FGGY: variants seen among roughly 807,000 people sequenced by gnomAD.
FGGY encodes the protein FGGY carbohydrate kinase domain-containing protein.
Under a neutral mutation model 71.3 loss-of-function variants are expected in FGGY, and 72 were observed. That is an observed-to-expected ratio of 1.01 (90% CI 0.84 to 1.23). The LOEUF is 1.23. Ranked by LOEUF, FGGY falls within the 50% of genes most tolerant of loss-of-function variation. FGGY has a pLI of 0.00. For synonymous variants in FGGY, 251 were observed against 250.3 expected (o/e 1.00, Z -0.02); for missense variants, 668 against 682.3 (o/e 0.98, Z 0.23).
intron 14 of FGGY, among the ~76,000 whole-genome samples, chr1:59,722,584 TACTC>T (rs2097906424): frequency 1.3e-5 from 2 of 152,254 alleles, no homozygotes; most frequent in African/African-American, 2.4e-5. Context: ...TTTGTTTTGT[TACTC>T]AGTTGTTCCA....
chr1:59,653,139 A>G (rs2097181941), intron 11 of FGGY, among the ~76,000 whole-genome samples: 1 of 152,150 alleles, frequency 6.6e-6, no homozygotes, highest in African/African-American at 2.4e-5. Flanking sequence ...TGCTGGGAGA[A>G]CCACTGCTCT....
At chr1:59,377,177 A>G (rs1391233219) in intron 4 of FGGY, among the ~76,000 whole-genome samples, 1 of 152,080 alleles carries the variant, frequency 6.6e-6, no homozygotes, top group Non-Finnish European at 1.5e-5. Flanking sequence ...CATGGTGAAC[A>G]TGACTGACAA....
chr1:59,371,711 T>G (rs1307121092), intron 4 of FGGY, among the ~76,000 whole-genome samples: 6 of 152,174 alleles, frequency 3.9e-5, no homozygotes, highest in African/African-American at 1.4e-4. Flanking sequence ...AAACTGTCTC[T>G]CAGACCACAG....
chr1:59,376,513 T>A (rs1478834290), intron 4 of FGGY, among the ~76,000 whole-genome samples: 1 of 152,214 alleles, frequency 6.6e-6, no homozygotes, highest in Non-Finnish European at 1.5e-5. Context: ...AAAGGCCAGT[T>A]GTATATAAAA....
intron 6 of FGGY, among the ~76,000 whole-genome samples, chr1:59,497,662 T>C (rs990752390): frequency 6.6e-6 from 1 of 152,178 alleles, no homozygotes; most frequent in Non-Finnish European, 1.5e-5. Flanking sequence ...GAATTGCCCA[T>C]TTCTGTTCAG....
intron 4 of FGGY, among the ~76,000 whole-genome samples, chr1:59,348,464 G>A (rs2052572245): frequency 6.6e-6 from 1 of 152,146 alleles, no homozygotes; most frequent in African/African-American, 2.4e-5. Context: ...GGTGATGTCA[G>A]CTTAATGGTT....
chr1:59,733,724 A>G (rs2098071042), intron 14 of FGGY, among the ~76,000 whole-genome samples: 1 of 152,194 alleles, frequency 6.6e-6, no homozygotes, highest in Non-Finnish European at 1.5e-5. Context: ...ATGTCCCTGA[A>G]TTAAGCCCTG....
intron 8 of FGGY, 131 bp downstream of exon 8, chr1:59,554,358 A>G (rs1173373464): frequency 3.2e-6 from 2 of 625,036 alleles, no homozygotes; most frequent in Non-Finnish European, 5.3e-6. Flanking sequence ...TGCTTTGTCT[A>G]GCCAGAAGCC....
At chr1:59,299,051 A>G (rs937395169) in intron 1 of FGGY, among the ~76,000 whole-genome samples, 2 of 152,196 alleles carry the variant, frequency 1.3e-5, no homozygotes, top group African/African-American at 4.8e-5. Context: ...GAGTACATTG[A>G]AAAGGTATGC....
chr1:59,740,861 C>T (rs1340655722), intron 14 of FGGY, among the ~76,000 whole-genome samples: 3 of 152,214 alleles, frequency 2.0e-5, no homozygotes, highest in Middle Eastern at 3.4e-3. Flanking sequence ...TTATTGAACC[C>T]GCGAGATGTG....
intron 5 of FGGY, among the ~76,000 whole-genome samples, chr1:59,406,737 TAAG>T (rs1214412391): frequency 6.6e-6 from 1 of 152,196 alleles, no homozygotes; most frequent in African/African-American, 2.4e-5. Context: ...CCAAAAATAA[TAAG>T]GTCAGCCATG....
At chr1:59,350,091 G>C (rs1450113832) in intron 4 of FGGY, among the ~76,000 whole-genome samples, 1 of 152,126 alleles carries the variant, frequency 6.6e-6, no homozygotes, top group Non-Finnish European at 1.5e-5. Context: ...CAGTAGAGCT[G>C]CTCAAGTGCC....
In FGGY at chr1:59,489,431, A is replaced by G. The variant is rs574995460; in HGVS notation, c.671-22880A>G. On this transcript the variant is annotated intron_variant, in intron 6 of 15. Coordinates refer to ENST00000303721, the MANE Select transcript of FGGY (RefSeq NM_018291.5). ...TACTTTTTACTTCTATGAGATCAAC[A>G]TTTTTTAGCTTCAACATGTGGGCAA... Among the ~76,000 whole-genome samples, 121 of 152,156 alleles carry G rather than the reference A, an allele frequency of 8.0e-4. 1 individual carries two copies. Among genetic ancestry groups the G allele is most frequent in the Non-Finnish European group, 2.6e-4 (18 of 68,004 alleles).
At chr1:59,416,641 C>T (rs928825701) in intron 5 of FGGY, among the ~76,000 whole-genome samples, 2 of 152,210 alleles carry the variant, frequency 1.3e-5, no homozygotes, top group African/African-American at 4.8e-5. Context: ...GGACTTTTCC[C>T]TCATGCTAGC....
chr1:59,431,258 A>G (rs1211720955), intron 5 of FGGY, among the ~76,000 whole-genome samples: 1 of 152,098 alleles, frequency 6.6e-6, no homozygotes, highest in Non-Finnish European at 1.5e-5. Flanking sequence ...GTAACATCCC[A>G]CTGCTGGCAG....
At chr1:59,373,708 G>C (rs1049957916) in intron 4 of FGGY, among the ~76,000 whole-genome samples, 9 of 152,020 alleles carry the variant, frequency 5.9e-5, no homozygotes, top group African/African-American at 2.2e-4. Context: ...CCAAAACAGA[G>C]ATATAGATCA....
At chr1:59,518,781 A>G (rs886889395) in intron 7 of FGGY, among the ~76,000 whole-genome samples, 1 of 152,194 alleles carries the variant, frequency 6.6e-6, no homozygotes, top group Non-Finnish European at 1.5e-5. Flanking sequence ...AGCAGACACC[A>G]TCATGCTTCC....
At chr1:59,374,291 C>A (rs1327639504) in intron 4 of FGGY, among the ~76,000 whole-genome samples, 7 of 152,248 alleles carry the variant, frequency 4.6e-5, no homozygotes, top group African/African-American at 7.2e-5. Context: ...CAGCCAGAAA[C>A]CACATGAAAA....
intron 5 of FGGY, among the ~76,000 whole-genome samples, chr1:59,446,076 TATAA>T (rs1010868385): frequency 9.2e-5 from 14 of 152,360 alleles, no homozygotes; most frequent in African/African-American, 3.1e-4. Flanking sequence ...ATGCCTGGCG[TATAA>T]TAGGCACTAA....
Sources: gnomAD v4.1 joint callset for allele counts (sites outside exome capture counted in the v4.1 genomes callset) on GRCh38, gnomAD v4.1.1 for gene constraint, MANE v1.5 for transcripts, NCBI Gene and HGNC (gene_info 2026-07-23, HGNC 2026-07-21) for gene names.